PLXNC1: variants seen among roughly 807,000 people sequenced by gnomAD.
The protein encoded by PLXNC1 is plexin-C1.
PLXNC1 carries 75 observed loss-of-function variants against 178.2 expected under a neutral mutation model. That is an observed-to-expected ratio of 0.42 (90% confidence interval 0.35 to 0.51). The LOEUF (loss-of-function observed/expected upper bound fraction) is 0.51, where lower values mean the gene tolerates loss of function less well. PLXNC1 is among the 20% of genes least tolerant of loss of function. The pLI is 0.02. For missense variants in PLXNC1, 1,503 were observed against 1,984.4 expected (o/e 0.76, Z 4.61); for synonymous variants, 790 against 779.9 (o/e 1.01, Z -0.22).
At chr12:94,280,427 G>T (rs1396250719) in intron 22 of PLXNC1, among the ~76,000 whole-genome samples, 1 of 152,158 alleles carries the variant, frequency 6.6e-6, no homozygotes, top group Non-Finnish European at 1.5e-5. Context: ...GACTAAGCAG[G>T]CAATTAAAAT....
At chr12:94,225,872 T>A (rs909932892) in intron 7 of PLXNC1, among the ~76,000 whole-genome samples, 9 of 152,222 alleles carry the variant, frequency 5.9e-5, no homozygotes, top group African/African-American at 2.2e-4. Flanking sequence ...GAAACTGCAG[T>A]TTCTGTAGAT....
At chr12:94,226,892 G>A (rs535439841) in intron 8 of PLXNC1, among the ~76,000 whole-genome samples, 185 bp downstream of exon 8, 71 of 152,166 alleles carry the variant, frequency 4.7e-4, no homozygotes, top group East Asian at 2.3e-3. Flanking sequence ...GTGTGGTGGC[G>A]CATGCCTGTA....
chr12:94,205,149 C>T (rs373663193), intron 4 of PLXNC1, among the ~76,000 whole-genome samples: 1 of 152,104 alleles, frequency 6.6e-6, no homozygotes, highest in South Asian at 2.1e-4. Flanking sequence ...CCCAGCCCGG[C>T]CCATGGGTAT....
intron 12 of PLXNC1, among the ~76,000 whole-genome samples, chr12:94,245,786 G>A (rs1167130729): frequency 6.6e-6 from 1 of 152,174 alleles, no homozygotes; most frequent in African/African-American, 2.4e-5. Flanking sequence ...AACCTAGAGG[G>A]TGGGTCTGGA....
At chr12:94,245,052 C>T (rs1364039083) in intron 12 of PLXNC1, among the ~76,000 whole-genome samples, 3 of 152,352 alleles carry the variant, frequency 2.0e-5, no homozygotes, top group South Asian at 2.1e-4. Flanking sequence ...TTCCGGGGGC[C>T]GCCTGATAGG....
At chr12:94,196,406 G>A (rs1383322341) in intron 4 of PLXNC1, among the ~76,000 whole-genome samples, 3 of 152,072 alleles carry the variant, frequency 2.0e-5, no homozygotes, top group Admixed American at 1.3e-4. Flanking sequence ...TCACAGTCTT[G>A]CTCCCACCCT....
chr12:94,213,405 G>C (rs1256997879), intron 5 of PLXNC1, among the ~76,000 whole-genome samples: 1 of 152,218 alleles, frequency 6.6e-6, no homozygotes, highest in Non-Finnish European at 1.5e-5. Flanking sequence ...AATGACCAGT[G>C]ATGATGAGCA....
Position 94,224,321 on chromosome 12 carries a change from AT to A in PLXNC1, c.1790+10del. 1 of 1,384,674 alleles carries A rather than the reference AT, an allele frequency of 7.2e-7. No individual in the cohort carries two copies. The highest frequency in any genetic ancestry group is 1.0e-6 in the Non-Finnish European group (1 of 971,118). 85.8% of individuals were successfully genotyped at this position (1,384,674 alleles called of 1,614,324 possible). On this transcript the variant is annotated splice_region_variant and intron_variant, in intron 7 of 30. Coordinates refer to ENST00000258526, the MANE Select transcript of PLXNC1 (RefSeq NM_005761.3). ...AACTGCTCATCATTAAAAGAGTAAGATTTTATTTGAAATTTGAATATTCTCT... is the reference window on the plus strand; with the variant it reads ...AACTGCTCATCATTAAAAGAGTAAGATTTATTTGAAATTTGAATATTCTCT...
At chr12:94,261,564 G>A (rs75943407) in intron 20 of PLXNC1, among the ~76,000 whole-genome samples, 10,324 of 152,210 alleles carry the variant, frequency 0.068, 830 homozygotes, top group African/African-American at 0.19. Flanking sequence ...AATGTTGGCC[G>A]TTACGATTAT....
At position 94,189,194 on chromosome 12, in the gene PLXNC1, G is replaced by A. The variant is rs372121443; in HGVS notation, c.1439+2721G>A. ...CTTTAGCCAGTTTGGGGGCTTTGCC[G>A]GAAAATACATCAAGAAAGGAGAGAG... On this transcript the variant is annotated intron_variant, in intron 4 of 30. Transcript: ENST00000258526. Among the ~76,000 whole-genome samples the A allele has an allele frequency of 2.8e-4, 42 of 152,290 alleles. No individual in the cohort carries two copies. The South Asian group carries it at 6.9e-3, about 25-fold the overall frequency.
At chr12:94,244,649 G>T (rs973203031) in intron 12 of PLXNC1, among the ~76,000 whole-genome samples, 1 of 152,206 alleles carries the variant, frequency 6.6e-6, no homozygotes, top group East Asian at 1.9e-4. Flanking sequence ...TTGGCTTCCT[G>T]TGGCCACATT....
chr12:94,224,162 A>G (rs1476074812), intron 6 of PLXNC1, 66 bp from the exon 7 acceptor site: 3 of 935,484 alleles, frequency 3.2e-6, no homozygotes, highest in Non-Finnish European at 5.3e-6. Context: ...CTTTTTTTGC[A>G]TTTACAGCTA....
intron 23 of PLXNC1, among the ~76,000 whole-genome samples, chr12:94,286,642 A>T (rs1681874): frequency 2.1e-5 from 3 of 143,138 alleles, no homozygotes; most frequent in Non-Finnish European, 3.0e-5. Context: ...AAAAAAAAAA[A>T]TTCATTTAAA....
chr12:94,270,645 G>C (rs61927163), intron 21 of PLXNC1, among the ~76,000 whole-genome samples: 2,951 of 147,730 alleles, frequency 0.02, 34 homozygotes, highest in South Asian at 0.047. Flanking sequence ...CAGTTATCTT[G>C]GGCTAAATCA....
intron 1 of PLXNC1, 99 bp downstream of exon 1, chr12:94,150,132 G>A (rs1960901504): frequency 3.0e-6 from 3 of 998,306 alleles, no homozygotes; most frequent in African/African-American, 3.5e-5. Flanking sequence ...CGGGGCGGGG[G>A]TACAGCCGGG....
chr12:94,281,143 G>A (rs1442479275), intron 22 of PLXNC1, among the ~76,000 whole-genome samples: 1 of 152,210 alleles, frequency 6.6e-6, no homozygotes, highest in African/African-American at 2.4e-5. Context: ...GCCAGGCATG[G>A]TGGTGCACAC....
chr12:94,298,200 T>C (rs1968118157), intron 26 of PLXNC1, among the ~76,000 whole-genome samples: 1 of 152,208 alleles, frequency 6.6e-6, no homozygotes, highest in East Asian at 1.9e-4. Context: ...CTTTGGAAAG[T>C]ACACAATAAA....
chr12:94,204,828 T>C (rs1292763231), intron 4 of PLXNC1, among the ~76,000 whole-genome samples: 1 of 152,264 alleles, frequency 6.6e-6, no homozygotes, highest in East Asian at 1.9e-4. Flanking sequence ...ATGCAGTCTC[T>C]TGTTTCCTGG....
intron 23 of PLXNC1, among the ~76,000 whole-genome samples, chr12:94,293,533 CCCT>C (rs1255998653): frequency 6.6e-6 from 1 of 152,208 alleles, no homozygotes; most frequent in Admixed American, 6.5e-5. Context: ...TCGGTGAGGA[CCCT>C]CCTCCTGGTT....
Sources: gnomAD v4.1 joint callset for allele counts (sites outside exome capture counted in the v4.1 genomes callset) on GRCh38, gnomAD v4.1.1 for gene constraint, MANE v1.5 for transcripts, NCBI Gene and HGNC (gene_info 2026-07-23, HGNC 2026-07-21) for gene names.